Variants in MED24 observed in about 807,000 individuals in gnomAD.
MED24 encodes mediator complex subunit 24, also known as mediator of RNA polymerase II transcription subunit 24.
MED24 carries 74 observed loss-of-function variants against 118.8 expected under a neutral mutation model. That is an observed-to-expected ratio of 0.62 (90% CI 0.52 to 0.76). The LOEUF (loss-of-function observed/expected upper bound fraction) is 0.76, where lower values mean the gene tolerates loss of function less well. Ranked by LOEUF, MED24 falls within the 30% of genes least tolerant of loss-of-function variation. MED24 has a pLI of 0.00. For missense variants in MED24, 1,041 were observed against 1,278.9 expected (o/e 0.81, Z 2.84); for synonymous variants, 521 against 523.9 (o/e 0.99, Z 0.08).
At chr17:40,020,145 A>T in intron 24 of MED24, 128 bp downstream of exon 24, 1 of 1,069,386 alleles carries the variant, frequency 9.4e-7, no homozygotes, top group Non-Finnish European at 1.4e-6. Flanking sequence ...GCCAACAATG[A>T]GGGGCATGGA....
At chr17:40,044,624 A>C (rs1422996652) in intron 3 of MED24, among the ~76,000 whole-genome samples, 1 of 151,948 alleles carries the variant, frequency 6.6e-6, no homozygotes, top group Non-Finnish European at 1.5e-5. Context: ...GCTCACGCCT[A>C]TAATCTCAGC....
rs560710795 is a variant in MED24, at chr17:40,022,091, A to AC, written c.2524-38dup. 1.0e-4 allele frequency: 150 copies of AC among 1,458,264 alleles called. No individual in the cohort carries two copies. In the African/African-American group the frequency reaches 1.9e-3, roughly 19 times the overall value. The allele number at this position is 1,458,264 out of a possible 1,614,324, so 90.3% of individuals were successfully genotyped here. On this transcript the variant is annotated intron_variant, in intron 22 of 25. Transcript: ENST00000394128. ...GAAAGTCACTGTTATACACCCCTAA[A>AC]CCCCCCAGTTTCCAGCTGTCAGGGA... is the stretch of plus-strand genomic sequence containing the variant.
In MED24 at chr17:40,033,015, G is replaced by A; in HGVS notation, c.822+41C>T. 1.2e-6 allele frequency: 2 copies of A among 1,610,048 alleles called. No homozygotes were observed. The highest frequency in any genetic ancestry group is 8.5e-7 in the Non-Finnish European group (1 of 1,178,432). ...TCCTCCCTCCTGCCCCCAACAGGCT[G>A]GCCTGCCTTGGAGAAGGGAGAGCCA... is the stretch of plus-strand genomic sequence containing the variant. On this transcript the variant is annotated intron_variant, in intron 8 of 25. Transcript: ENST00000394128. This position sits in a 1 kb window ranked among gnomAD's most constrained non-coding sequence, Gnocchi z 5.2.
chr17:40,023,291 T>G lies in MED24; in HGVS notation c.2090A>C (p.Tyr697Ser). The G allele has an allele frequency of 6.2e-7, 1 of 1,614,112 alleles. No homozygotes were observed. Among genetic ancestry groups the G allele is most frequent in the East Asian group, 2.2e-5 (1 of 44,882 alleles). The change falls in exon 20 of 26, where the codon TAC (tyrosine) becomes TCC (serine). Residue 697 changes from tyrosine (Y) to serine (S), a missense_variant. This residue lies in a region of MED24 where 587 missense variants were observed against 694.4 expected (regional missense o/e 0.85). Coordinates refer to ENST00000394128, the MANE Select transcript of MED24 (RefSeq NM_014815.4). ...FPSTGVDTMPYWNLLPPKRPI... is the reference protein window; with the variant it reads ...FPSTGVDTMPSWNLLPPKRPI... ...CCGCTTGGGGGGCAGCAGGTTCCAGTAGGGCATTGTGTCCACCCCGGTGGA... is the reference window on the plus strand; with the variant it reads ...CCGCTTGGGGGGCAGCAGGTTCCAGGAGGGCATTGTGTCCACCCCGGTGGA...
chr17:40,037,214 G>GGAA (rs1568168407), intron 3 of MED24, among the ~76,000 whole-genome samples: 1 of 142,728 alleles, frequency 7.0e-6, no homozygotes, highest in African/African-American at 3.0e-5. Flanking sequence ...GAGAGAAAGA[G>GGAA]GGAAGGAAGG....
intron 21 of MED24, 32 bp from the exon 22 acceptor site, chr17:40,022,516 T>C (rs1205055130): frequency 6.3e-7 from 1 of 1,595,610 alleles, no homozygotes; most frequent in Non-Finnish European, 8.5e-7. Context: ...AGGGGGACAG[T>C]GAGAGGTGCC....
chr17:40,036,845 GACAA>G (rs1277075724), intron 3 of MED24, among the ~76,000 whole-genome samples: 5 of 152,106 alleles, frequency 3.3e-5, no homozygotes, highest in East Asian at 1.9e-4. Flanking sequence ...AAGAACTAGA[GACAA>G]ACAAACATTT....
In MED24 at chr17:40,043,890, C is replaced by CAAAAAAAAAAAAAAAA. The variant is rs35743512; in HGVS notation, c.214-7737_214-7736insTTTTTTTTTTTTTTTT. 2.1e-3 allele frequency among the ~76,000 whole-genome samples: 202 copies of CAAAAAAAAAAAAAAAA among 97,396 alleles called. 11 individuals carry two copies. The highest frequency in any genetic ancestry group is 5.1e-3 in the Middle Eastern group (1 of 196). The allele number at this position is 97,396 out of a possible 152,430, so 63.9% of individuals were successfully genotyped here. On this transcript the variant is annotated intron_variant, in intron 3 of 25. Transcript: ENST00000394128. ...TGGGCAGAAGAGCGAGACTCCATCTCAAAAAAAAAAAAAACAAAGATTTAA... is the reference window on the plus strand; with the variant it reads ...TGGGCAGAAGAGCGAGACTCCATCTCAAAAAAAAAAAAAAAAAAAAAAAAAAAAAACAAAGATTTAA...
intron 22 of MED24, 128 bp from the exon 23 acceptor site, chr17:40,022,182 C>T (rs1982102267): frequency 1.1e-6 from 1 of 893,990 alleles, no homozygotes; most frequent in Non-Finnish European, 1.7e-6. Flanking sequence ...CCTCTCTGCT[C>T]AACCCCTCCC....
At position 40,032,918 on chromosome 17, in the gene MED24, G is replaced by A. The variant is rs1237619843; in HGVS notation, c.822+138C>T. 16 of 1,364,382 alleles carry A rather than the reference G, an allele frequency of 1.2e-5. No homozygotes were observed. The East Asian group carries it at 1.2e-4, about 10-fold the overall frequency. 84.5% of individuals were successfully genotyped at this position (1,364,382 alleles called of 1,614,324 possible). On this transcript the variant is annotated intron_variant, in intron 8 of 25. Transcript: ENST00000394128. ...GGGAGTAAGGTCCAATGACAGAAGT[G>A]TGCACGACTGGCACCCACTTTCCAT...
chr17:40,038,672 C>G (rs1984223405), intron 3 of MED24, among the ~76,000 whole-genome samples: 1 of 149,564 alleles, frequency 6.7e-6, no homozygotes, highest in South Asian at 2.1e-4. Flanking sequence ...GATCGCACCA[C>G]TGCACTCCAG....
chr17:40,043,599 T>G lies in MED24; in HGVS notation c.214-7445A>C, dbSNP rs143765962. Among the ~76,000 whole-genome samples the G allele has an allele frequency of 3.9e-3, 598 of 152,172 alleles. 5 individuals are homozygous for G. Among genetic ancestry groups the G allele is most frequent in the African/African-American group, 0.013 (527 of 41,524 alleles). Reference sequence around the variant, plus strand: ...CTTAAGGATTTTTCTGCTTCAAAGATTTAAATAAGCCAGGCGCGGTGGCTC... The same window carrying G: ...CTTAAGGATTTTTCTGCTTCAAAGAGTTAAATAAGCCAGGCGCGGTGGCTC... On this transcript the variant is annotated intron_variant, in intron 3 of 25. Coordinates refer to ENST00000394128, the MANE Select transcript of MED24 (RefSeq NM_014815.4).
intron 23 of MED24, chr17:40,021,155 TGA>T (rs1162743131): frequency 1.3e-5 from 2 of 152,556 alleles, no homozygotes; most frequent in African/African-American, 4.8e-5. Context: ...CCCAATGGAA[TGA>T]GAGAGAAAAA....
At chr17:40,043,670 C>T (rs1040229339) in intron 3 of MED24, among the ~76,000 whole-genome samples, 26 of 151,664 alleles carry the variant, frequency 1.7e-4, no homozygotes, top group African/African-American at 3.6e-4. Context: ...GGGCGGATCA[C>T]GAGGTCAGGA....
At chr17:40,053,006 T>G (rs1986007635) in intron 3 of MED24, among the ~76,000 whole-genome samples, 1 of 152,114 alleles carries the variant, frequency 6.6e-6, no homozygotes, top group South Asian at 2.1e-4. Flanking sequence ...GGATCATGGC[T>G]CATTGCAGTC....
rs765954975 is a variant in MED24 at position 40,022,839 on chromosome 17, A to T, written c.2251-13T>A. On this transcript the variant is annotated splice_polypyrimidine_tract_variant and intron_variant, in intron 20 of 25. Coordinates refer to ENST00000394128, the MANE Select transcript of MED24 (RefSeq NM_014815.4). ...CCTTCAGCAGCTCCTAGTGCGCAGG[A>T]AAGGGGGCAGTTCAGGAGCCAGGGG... 2.4e-5 allele frequency: 39 copies of T among 1,611,832 alleles called. No individual in the cohort carries two copies. The highest frequency in any genetic ancestry group is 3.1e-5 in the Non-Finnish European group (37 of 1,179,674).
At chr17:40,043,119 T>G (rs1984731619) in intron 3 of MED24, among the ~76,000 whole-genome samples, 1 of 152,182 alleles carries the variant, frequency 6.6e-6, no homozygotes, top group South Asian at 2.1e-4. Flanking sequence ...AGCTAATTTT[T>G]ACATTTTTAG....
In MED24 at chr17:40,053,356, A is replaced by G. The variant is rs761875746; in HGVS notation, c.155T>C (p.Ile52Thr). The G allele has an allele frequency of 2.5e-6, 4 of 1,613,268 alleles. No individual in the cohort carries two copies. In the South Asian group the frequency reaches 3.3e-5, roughly 13 times the overall value. Residue 52 changes from isoleucine to threonine, a missense_variant, in exon 3 of 26, where the codon ATT becomes ACT. Ile to Thr is a moderately conservative substitution (Grantham distance 89). Transcript: ENST00000394128. ...LADALLEQAM[I>T]GPSPNPLILS... The stretch of plus-strand genomic sequence containing the variant: ...GATGAGAGGATTGGGGGATGGTCCA[A>G]TCATGGCCTGCTCTAGTAACGCATC...
At chr17:40,034,887 C>T in intron 6 of MED24, 2 of 654,068 alleles carry the variant, frequency 3.1e-6, no homozygotes, top group Non-Finnish European at 5.0e-6. Flanking sequence ...TAGCACAGTG[C>T]TGGGTATACA....
Sources: gnomAD v4.1 joint callset for allele counts (sites outside exome capture counted in the v4.1 genomes callset) on GRCh38, gnomAD v4.1.1 for gene constraint, gnomAD v4.1.1 regional missense constraint, Gnocchi (gnomAD v3.1) non-coding constraint, MANE v1.5 for transcripts, NCBI Gene and HGNC (gene_info 2026-07-23, HGNC 2026-07-21) for gene names.